Variants in CNBD2 observed in about 807,000 individuals in gnomAD.
The protein encoded by CNBD2 is cyclic nucleotide binding domain containing 2.
Under a neutral mutation model 63.7 loss-of-function variants are expected in CNBD2, and 64 were observed. The observed-to-expected ratio is 1.00, with a 90% CI of 0.82 to 1.24. CNBD2 has a LOEUF of 1.24. Among genes scored for constraint, CNBD2 ranks in the 50% most tolerant of loss-of-function variants. The probability of loss-of-function intolerance (pLI) is 0.00; values close to 1 mark genes in which losing one functional copy is unlikely to be tolerated. For missense variants in CNBD2, 691 were observed against 713.5 expected (o/e 0.97, Z 0.36); for synonymous variants, 229 against 255.4 (o/e 0.90, Z 0.99).
In CNBD2 at chr20:36,006,956, G is replaced by A. The variant is rs1314195107; in HGVS notation, c.971-1341G>A. On this transcript the variant is annotated intron_variant, in intron 8 of 11. Transcript: ENST00000373973. The stretch of plus-strand genomic sequence containing the variant: ...TGTAATCCTAGCACTCTGGGAGGCC[G>A]AGGCAGGTGGCTCATGAGGTCAGGA... Among the ~76,000 whole-genome samples the A allele has an allele frequency of 5.3e-5, 8 of 152,068 alleles. No homozygotes were observed. The East Asian group carries it at 7.7e-4, about 15-fold the overall frequency.
intron 10 of CNBD2, among the ~76,000 whole-genome samples, chr20:36,021,086 G>A (rs968341834): frequency 1.3e-5 from 2 of 152,132 alleles, no homozygotes; most frequent in Admixed American, 6.5e-5. Context: ...TTTCACAGGC[G>A]AGCAATGGCC....
intron 6 of CNBD2, among the ~76,000 whole-genome samples, chr20:35,986,029 T>C (rs2056663191): frequency 6.6e-6 from 1 of 152,270 alleles, no homozygotes; most frequent in Non-Finnish European, 1.5e-5. Context: ...CTGGGTATCA[T>C]ATTTAAAAGC....
chr20:35,962,298 G>A (rs1472613224), intron 2 of CNBD2, among the ~76,000 whole-genome samples: 6 of 140,132 alleles, frequency 4.3e-5, no homozygotes, highest in African/African-American at 1.6e-4. Context: ...TTGCTCTGTC[G>A]CCCAGGCTGG....
At chr20:35,995,995 T>A (rs1476689475) in intron 8 of CNBD2, among the ~76,000 whole-genome samples, 1 of 152,186 alleles carries the variant, frequency 6.6e-6, no homozygotes, top group Non-Finnish European at 1.5e-5. Context: ...GCAAAGGGCA[T>A]CACATGGAGA....
chr20:35,990,455 A>C (rs929060140), intron 7 of CNBD2, among the ~76,000 whole-genome samples: 1 of 152,056 alleles, frequency 6.6e-6, no homozygotes, highest in Non-Finnish European at 1.5e-5. Flanking sequence ...ACATGGTGAA[A>C]CCTCATGTCT....
chr20:36,011,929 G>A (rs886553307), intron 10 of CNBD2, among the ~76,000 whole-genome samples: 8 of 151,974 alleles, frequency 5.3e-5, no homozygotes, highest in Admixed American at 3.3e-4. Flanking sequence ...AGGCTGAAGC[G>A]GGCGAATCAC....
downstream of CNBD2, among the ~76,000 whole-genome samples, chr20:35,958,303 G>T (rs1290643957): frequency 2.6e-5 from 4 of 152,112 alleles, no homozygotes; most frequent in Non-Finnish European, 5.9e-5. Context: ...ATGGTGGCAG[G>T]TACCTGTAAT....
chr20:36,026,928 C>A (rs1453652209), intron 11 of CNBD2, among the ~76,000 whole-genome samples: 1 of 152,216 alleles, frequency 6.6e-6, no homozygotes, highest in Non-Finnish European at 1.5e-5. Context: ...GCTTTATCCG[C>A]CTTTGGTCTC....
At chr20:35,962,736 A>G (rs2056318469) in intron 2 of CNBD2, among the ~76,000 whole-genome samples, 1 of 152,206 alleles carries the variant, frequency 6.6e-6, no homozygotes, top group African/African-American at 2.4e-5. Flanking sequence ...GCACTCCCAG[A>G]ATGATATGTT....
intron 8 of CNBD2, among the ~76,000 whole-genome samples, chr20:36,005,120 T>C (rs2056966672): frequency 6.6e-6 from 1 of 152,214 alleles, no homozygotes; most frequent in Admixed American, 6.5e-5. Context: ...TTTGCATCTG[T>C]GTGCAAGGAA....
chr20:35,983,505 C>CAT (rs1295579793), intron 4 of CNBD2, among the ~76,000 whole-genome samples: 1 of 152,142 alleles, frequency 6.6e-6, no homozygotes, highest in African/African-American at 2.4e-5. Context: ...TCATTCTAGG[C>CAT]ATACTCATCT....
chr20:36,010,077 T>C (rs1229840274), intron 9 of CNBD2, among the ~76,000 whole-genome samples: 3 of 152,234 alleles, frequency 2.0e-5, no homozygotes, highest in South Asian at 2.1e-4. Flanking sequence ...CAGATGCACA[T>C]TGGGGTGCTG....
At chr20:35,967,558 A>G (rs2056356811), upstream of CNBD2, among the ~76,000 whole-genome samples, 1 of 151,562 alleles carries the variant, frequency 6.6e-6, no homozygotes. Context: ...AAAAAAAAAA[A>G]AAAAAAGGCC....
intron 7 of CNBD2, among the ~76,000 whole-genome samples, chr20:35,994,191 G>A (rs1053230024): frequency 5.3e-5 from 8 of 151,842 alleles, no homozygotes; most frequent in African/African-American, 7.3e-5. Flanking sequence ...TCAGCCTCCC[G>A]AATAGCTGGG....
chr20:36,012,320 C>T (rs1265620955), intron 10 of CNBD2, among the ~76,000 whole-genome samples: 2 of 150,416 alleles, frequency 1.3e-5, no homozygotes, highest in Non-Finnish European at 3.0e-5. Context: ...AAACCAAAAC[C>T]CAAACCAAAA....
intron 10 of CNBD2, among the ~76,000 whole-genome samples, chr20:36,017,114 G>A (rs535215076): frequency 5.9e-5 from 9 of 151,704 alleles, no homozygotes; most frequent in Middle Eastern, 3.4e-3. Flanking sequence ...GGATGACCAC[G>A]CTTGGCTATG....
rs188557783 is a variant in CNBD2, at chr20:36,001,542, C to T, written c.970+6390C>T. Among the ~76,000 whole-genome samples the T allele has an allele frequency of 5.5e-3, 801 of 144,486 alleles. 5 individuals carry two copies. The highest frequency in any genetic ancestry group is 0.02 in the African/African-American group (769 of 38,292). 94.8% of individuals were successfully genotyped at this position (144,486 alleles called of 152,430 possible). A position where few individuals can be genotyped will look rare whatever the true frequency, so the allele number is the denominator to read the frequency against. Reference sequence around the variant, plus strand: ...GACGGGGCGGCCGGCTGGGCGGAGACGCTCCTCACTTCCCAGACGGGGTGG... The same window carrying T: ...GACGGGGCGGCCGGCTGGGCGGAGATGCTCCTCACTTCCCAGACGGGGTGG... On this transcript the variant is annotated intron_variant, in intron 8 of 11. Transcript: ENST00000373973.
intron 4 of CNBD2, 140 bp from the exon 5 acceptor site, chr20:35,983,842 T>A: frequency 1.1e-6 from 1 of 873,118 alleles, no homozygotes; most frequent in Non-Finnish European, 1.8e-6. Flanking sequence ...CTGGCAGGGC[T>A]GGGCTGTCCT....
intron 9 of CNBD2, among the ~76,000 whole-genome samples, chr20:36,009,423 C>T (rs561518387): frequency 4.6e-5 from 7 of 151,856 alleles, no homozygotes; most frequent in Middle Eastern, 3.4e-3. Context: ...AGGATGGTCT[C>T]GGTCTCCTGA....
Sources: gnomAD v4.1 joint callset for allele counts (sites outside exome capture counted in the v4.1 genomes callset) on GRCh38, gnomAD v4.1.1 for gene constraint, MANE v1.5 for transcripts, NCBI Gene and HGNC (gene_info 2026-07-23, HGNC 2026-07-21) for gene names.